Variants in OR6F1 observed in about 807,000 individuals in gnomAD.
OR6F1 encodes the protein olfactory receptor 6F1.
For missense variants in OR6F1, 346 were observed against 376.0 expected (o/e 0.92, Z 0.66); for synonymous variants, 144 against 150.0 (o/e 0.96, Z 0.29).
chr1:247,715,425 A>T (rs1476498024), intron 1 of OR6F1, among the ~76,000 whole-genome samples: 5 of 152,198 alleles, frequency 3.3e-5, no homozygotes, highest in African/African-American at 7.2e-5. Flanking sequence ...AAATATCCAG[A>T]ACCATATTAT....
In OR6F1 at chr1:247,712,317, C is replaced by T; in HGVS notation, c.439G>A (p.Gly147Ser). The T allele has an allele frequency of 6.2e-7, 1 of 1,614,146 alleles. No homozygotes were observed. The highest frequency in any genetic ancestry group is 8.5e-7 in the Non-Finnish European group (1 of 1,179,972). ...GCCACGAAACCACACACCCAGGAGCCCAGGGCCAGCTGCGCTGAGAGCAGG... is the reference window on the plus strand; with the variant it reads ...GCCACGAAACCACACACCCAGGAGCTCAGGGCCAGCTGCGCTGAGAGCAGG... ...SSLLSAQLAL[G>S]SWVCGFVAIA... The change falls in exon 3 of 3, where the codon GGC becomes AGC. Residue 147 changes from glycine to serine, a missense_variant. Gly to Ser is a moderately conservative substitution (Grantham distance 56). Transcript: ENST00000641470.
chr1:247,711,840 T>C lies in OR6F1; in HGVS notation c.916A>G (p.Lys306Glu), dbSNP rs1450167889. 9 of 1,608,140 alleles carry C rather than the reference T, an allele frequency of 5.6e-6. No homozygotes were observed. Among genetic ancestry groups the C allele is most frequent in the Non-Finnish European group, 6.8e-6 (8 of 1,174,914 alleles). ...GTGGTAGAGGAGATTTATTTTCCCTTCCATTTCTTCAGCAGAGTCTCTCTT... is the reference window on the plus strand; with the variant it reads ...GTGGTAGAGGAGATTTATTTTCCCTCCCATTTCTTCAGCAGAGTCTCTCTT... ...EVRETLLKKW[K>E]GK Residue 306 changes from lysine to glutamate, a missense_variant, in exon 3 of 3, where the codon AAG (lysine) becomes GAG (glutamate). Coordinates refer to ENST00000641470, the MANE Select transcript of OR6F1 (RefSeq NM_001005286.2).
chr1:247,715,294 A>G (rs1256290574), intron 1 of OR6F1, among the ~76,000 whole-genome samples: 2 of 152,260 alleles, frequency 1.3e-5, no homozygotes, highest in Non-Finnish European at 2.9e-5. Context: ...TTGAAAAGCT[A>G]GTATGAAATA....
At chr1:247,712,851 G>A in intron 2 of OR6F1, 34 bp from the exon 3 acceptor site, 1 of 649,018 alleles carries the variant, frequency 1.5e-6, no homozygotes, top group Non-Finnish European at 2.7e-6. Flanking sequence ...TCATGAAAGA[G>A]CTCCAATAAT....
rs758335920 is a variant in OR6F1 at position 247,712,049 on chromosome 1, T to C, written c.707A>G (p.Lys236Arg). 9 of 1,613,982 alleles carry C rather than the reference T, an allele frequency of 5.6e-6. No homozygotes were observed. The African/African-American group carries it at 1.2e-4, about 22-fold the overall frequency. The change falls in exon 3 of 3, where the codon AAA becomes AGA. Residue 236 changes from lysine to arginine, a missense_variant. Physicochemically the swap from Lys to Arg is conservative, Grantham distance 26. Coordinates refer to ENST00000641470, the MANE Select transcript of OR6F1 (RefSeq NM_001005286.2). ...ATGCGAGGAGCACGTGGAGAAGGCT[T>C]TGCTCCGGCCACTGGCAGAGGGGAT... is the stretch of plus-strand genomic sequence containing the variant. ...LRIPSASGRS[K>R]AFSTCSSHLT...
intron 1 of OR6F1, among the ~76,000 whole-genome samples, chr1:247,716,002 T>A (rs114144486): frequency 6.6e-6 from 1 of 152,180 alleles, no homozygotes; most frequent in Admixed American, 6.5e-5. Flanking sequence ...CCTCTAATCC[T>A]AGCACTTTGG....
chr1:247,712,103 T>A lies in OR6F1; in HGVS notation c.653A>T (p.Tyr218Phe). 6.2e-7 allele frequency: 1 copy of A among 1,614,106 alleles called. No homozygotes were observed. The highest frequency in any genetic ancestry group is 1.1e-5 in the South Asian group (1 of 91,080). The change falls in exon 3 of 3, where the codon TAT becomes TTT. Residue 218 changes from tyrosine to phenylalanine, a missense_variant. Coordinates refer to ENST00000641470, the MANE Select transcript of OR6F1 (RefSeq NM_001005286.2). ...LSSCLITFVS[Y>F]VYIISTILRI... ...GAGGATGGTGCTGATGATGTACACA[T>A]AGGAGACAAAGGTGATGAGGCATGA...
Position 247,712,739 on chromosome 1 carries a change from T to G in OR6F1, c.17A>C (p.Lys6Thr), listed in dbSNP as rs1308933486. 6.2e-7 allele frequency: 1 copy of G among 1,601,554 alleles called. No homozygotes were observed. Among genetic ancestry groups the G allele is most frequent in the African/African-American group, 1.3e-5 (1 of 74,848 alleles). Residue 6 changes from lysine (K) to threonine (T), a missense_variant, in exon 3 of 3, where the codon AAA (lysine) becomes ACA (threonine). Transcript: ENST00000641470. MDTGN[K>T]TLPQDFLLLG... ...TAAGAGAAAGTCCTGGGGCAGAGTT[T>G]TGTTGCCTGTGTCCATTGTGGTACT...
chr1:247,716,492 T>C lies in OR6F1; in HGVS notation c.-288A>G, dbSNP rs1235663317. The stretch of plus-strand genomic sequence containing the variant: ...TTTCTTTGATTATCTTGCTGTTTAA[T>C]AGTGTGCTTCCTTCGGTTGACATCC... On this transcript the variant is annotated 5_prime_UTR_variant, in exon 1 of 3. Transcript: ENST00000641470. 4.6e-5 allele frequency: 7 copies of C among 152,250 alleles called. No homozygotes were observed. In the East Asian group the frequency reaches 1.2e-3, roughly 25 times the overall value. The allele number at this position is 152,250 out of a possible 1,614,324, so 9.4% of individuals were successfully genotyped here.
At chr1:247,714,713 A>G (rs759867557) in intron 1 of OR6F1, among the ~76,000 whole-genome samples, 9 of 152,164 alleles carry the variant, frequency 5.9e-5, no homozygotes, top group Admixed American at 3.9e-4. Flanking sequence ...TTACCCTAAT[A>G]CAGAAAAAAA....
chr1:247,712,285 T>C lies in OR6F1; in HGVS notation c.471A>G (p.Ala157=), dbSNP rs1660020648. The C allele has an allele frequency of 1.9e-6, 3 of 1,614,134 alleles. No individual in the cohort carries two copies. The highest frequency in any genetic ancestry group is 2.5e-6 in the Non-Finnish European group (3 of 1,180,002). ...GSWVCGFVAI[A]VPTALISGLS... ...GGCCACTGATGAGGGCTGTGGGCACTGCAATGGCCACGAAACCACACACCC... is the reference window on the plus strand; with the variant it reads ...GGCCACTGATGAGGGCTGTGGGCACCGCAATGGCCACGAAACCACACACCC... Residue 157 remains alanine (A), a synonymous_variant, in exon 3 of 3, where the codon GCA becomes GCG. Coordinates refer to ENST00000641470, the MANE Select transcript of OR6F1 (RefSeq NM_001005286.2).
chr1:247,711,925 C>A lies in OR6F1; in HGVS notation c.831G>T (p.Leu277=). The A allele has an allele frequency of 6.2e-7, 1 of 1,613,920 alleles. No homozygotes were observed. The highest frequency in any genetic ancestry group is 1.1e-5 in the South Asian group (1 of 91,068). Reference sequence around the variant, plus strand: ...TTAAAACTGGAGTCACCACAGTGTTCAGGACGTGGACAGCTTTGATCAGAT... The same window carrying A: ...TTAAAACTGGAGTCACCACAGTGTTAAGGACGTGGACAGCTTTGATCAGAT... ...ALDLIKAVHV[L]NTVVTPVLNP... is the part of the protein sequence containing the mutation. Residue 277 remains leucine, a synonymous_variant, in exon 3 of 3, where the codon CTG becomes CTT. Coordinates refer to ENST00000641470, the MANE Select transcript of OR6F1 (RefSeq NM_001005286.2).
chr1:247,712,675 G>C lies in OR6F1; in HGVS notation c.81C>G (p.Leu27=). Residue 27 remains leucine (L), a synonymous_variant, in exon 3 of 3, where the codon CTC becomes CTG. Coordinates refer to ENST00000641470, the MANE Select transcript of OR6F1 (RefSeq NM_001005286.2). The stretch of plus-strand genomic sequence containing the variant: ...TGTACATCACCAGAAAAAGCATAAA[G>C]AGAGAGAGCTGAAGAGTTTGAGAAC... The part of the protein sequence containing the change: ...FPGSQTLQLS[L]FMLFLVMYIL... The C allele has an allele frequency of 1.2e-6, 2 of 1,612,900 alleles. No individual in the cohort carries two copies. The highest frequency in any genetic ancestry group is 1.7e-6 in the Non-Finnish European group (2 of 1,179,662).
At position 247,715,686 on chromosome 1, in the gene OR6F1, C is replaced by G. The variant is rs1376754271; in HGVS notation, c.-127+645G>C. 1.5e-4 allele frequency among the ~76,000 whole-genome samples: 23 copies of G among 152,054 alleles called. 1 individual carries two copies. The highest frequency in any genetic ancestry group is 1.5e-3 in the Admixed American group (23 of 15,258). Reference sequence around the variant, plus strand: ...TGATTTATTAGGTTGAAGTAAATTACCTTTTAATTTTTCAGATTAACTAAC... The same window carrying G: ...TGATTTATTAGGTTGAAGTAAATTAGCTTTTAATTTTTCAGATTAACTAAC... On this transcript the variant is annotated intron_variant, in intron 1 of 2. Transcript: ENST00000641470.
At chr1:247,715,753 T>C (rs1660094148) in intron 1 of OR6F1, among the ~76,000 whole-genome samples, 1 of 148,354 alleles carries the variant, frequency 6.7e-6, no homozygotes, top group African/African-American at 2.6e-5. Context: ...TTTTTAATAA[T>C]TTTTTTGTTT....
chr1:247,713,569 G>A (rs1352565829), intron 2 of OR6F1, among the ~76,000 whole-genome samples: 1 of 152,182 alleles, frequency 6.6e-6, no homozygotes, highest in East Asian at 1.9e-4. Flanking sequence ...TTATTTCTAA[G>A]CACTAGTTTT....
chr1:247,713,584 A>G lies in OR6F1; in HGVS notation c.-63+307T>C, dbSNP rs1660051360. Among the ~76,000 whole-genome samples the G allele has an allele frequency of 2.0e-5, 3 of 152,214 alleles. No homozygotes were observed. In the South Asian group the frequency reaches 6.2e-4, roughly 31 times the overall value. ...TTATTTCTAAGCACTAGTTTTGAGA[A>G]TAGAGTCTGTAAATTCGAAGGTCAA... On this transcript the variant is annotated intron_variant, in intron 2 of 2. Coordinates refer to ENST00000641470, the MANE Select transcript of OR6F1 (RefSeq NM_001005286.2).
At position 247,712,663 on chromosome 1, in the gene OR6F1, A is replaced by G; in HGVS notation, c.93T>C (p.Phe31=). 4.3e-6 allele frequency: 7 copies of G among 1,613,382 alleles called. No individual in the cohort carries two copies. Among genetic ancestry groups the G allele is most frequent in the Non-Finnish European group, 5.9e-6 (7 of 1,179,634 alleles). ...TAACTGTGAGGATGTACATCACCAGAAAAAGCATAAAGAGAGAGAGCTGAA... is the reference window on the plus strand; with the variant it reads ...TAACTGTGAGGATGTACATCACCAGGAAAAGCATAAAGAGAGAGAGCTGAA... ...QTLQLSLFML[F]LVMYILTVSG... The change falls in exon 3 of 3, where the codon TTT becomes TTC. Residue 31 remains phenylalanine (F), a synonymous_variant. Transcript: ENST00000641470.
chr1:247,714,683 G>A (rs2103191830), intron 1 of OR6F1, among the ~76,000 whole-genome samples: 2 of 152,080 alleles, frequency 1.3e-5, no homozygotes, highest in Middle Eastern at 6.8e-3. Context: ...ACTGGTAAAG[G>A]AGCCTAGATT....
Sources: gnomAD v4.1 joint callset for allele counts (sites outside exome capture counted in the v4.1 genomes callset) on GRCh38, gnomAD v4.1.1 for gene constraint, MANE v1.5 for transcripts, NCBI Gene and HGNC (gene_info 2026-07-23, HGNC 2026-07-21) for gene names.